The following RPRD2 variants were observed in gnomAD, a reference collection of about 807,000 sequenced individuals.
The protein encoded by RPRD2 is regulation of nuclear pre-mRNA domain-containing protein 2.
RPRD2 carries 12 observed loss-of-function variants against 104.4 expected under a neutral mutation model. That is an observed-to-expected ratio of 0.11 (90% CI 0.07 to 0.19). RPRD2 has a LOEUF of 0.19. RPRD2 is among the 10% of genes least tolerant of loss of function. The pLI is 1.00. For missense variants in RPRD2, 1,543 were observed against 1,790.1 expected, an observed-to-expected ratio of 0.86 and a Z score of 2.49; for synonymous variants, 714 against 684.9, an observed-to-expected ratio of 1.04 and a Z score of -0.66.
intron 1 of RPRD2, among the ~76,000 whole-genome samples, chr1:150,375,035 C>G (rs1462373579): frequency 6.7e-6 from 1 of 148,922 alleles, no homozygotes; most frequent in Non-Finnish European, 1.5e-5. Flanking sequence ...TTCCATTGCT[C>G]TAGGTTCATA....
rs1463918022 is a variant in RPRD2 at position 150,472,406 on chromosome 1, G to A, written c.3458G>A (p.Gly1153Asp). Residue 1153 changes from glycine (G) to aspartate (D), a missense_variant, in exon 11 of 11, where the codon GGT becomes GAT. Transcript: ENST00000369068. ...SSASELASLG[G>D]GGSGGLTGFK... is the part of the protein sequence containing the mutation. ...GCCTCTGAGTTGGCATCCCTTGGGG[G>A]TGGGGGCAGCGGAGGCCTCACTGGC... is the stretch of plus-strand genomic sequence containing the variant. 3.7e-6 allele frequency: 6 copies of A among 1,613,842 alleles called. No individual in the cohort carries two copies. The highest frequency in any genetic ancestry group is 5.1e-6 in the Non-Finnish European group (6 of 1,179,880).
chr1:150,436,638 C>T (rs1296817905), intron 2 of RPRD2, among the ~76,000 whole-genome samples: 6 of 150,940 alleles, frequency 4.0e-5, no homozygotes, highest in African/African-American at 7.3e-5. Flanking sequence ...CATGGTGGCT[C>T]ACACCTGTAA....
At chr1:150,400,623 C>T (rs587772722) in intron 1 of RPRD2, among the ~76,000 whole-genome samples, 1 of 152,290 alleles carries the variant, frequency 6.6e-6, no homozygotes, top group East Asian at 1.9e-4. Flanking sequence ...CCACTCACCT[C>T]CTACTGTGTG....
chr1:150,367,532 A>G (rs1347789754), intron 1 of RPRD2, among the ~76,000 whole-genome samples: 1 of 151,996 alleles, frequency 6.6e-6, no homozygotes, highest in Non-Finnish European at 1.5e-5. Context: ...TTCTTCTGAC[A>G]TCCGTTATTT....
At chr1:150,390,212 G>A (rs1254765927) in intron 1 of RPRD2, among the ~76,000 whole-genome samples, 1 of 152,118 alleles carries the variant, frequency 6.6e-6, no homozygotes, top group Admixed American at 6.5e-5. Flanking sequence ...TAAAACAACT[G>A]ACCAGGCACA....
intron 1 of RPRD2, among the ~76,000 whole-genome samples, chr1:150,406,926 G>A (rs1663532318): frequency 6.6e-6 from 1 of 152,050 alleles, no homozygotes; most frequent in African/African-American, 2.4e-5. Context: ...TGTTGATCAG[G>A]CTGGTCTCGA....
At chr1:150,387,884 C>G (rs1426070825) in intron 1 of RPRD2, among the ~76,000 whole-genome samples, 1 of 147,628 alleles carries the variant, frequency 6.8e-6, no homozygotes, top group Non-Finnish European at 1.5e-5. Context: ...GCCACTGCTC[C>G]TGGCCATTTT....
chr1:150,392,052 T>TAG (rs1553883259), intron 1 of RPRD2, among the ~76,000 whole-genome samples: 1 of 151,290 alleles, frequency 6.6e-6, no homozygotes, highest in African/African-American at 2.4e-5. Flanking sequence ...TGAAAAAAAT[T>TAG]AGCCAGGCAT....
intron 1 of RPRD2, among the ~76,000 whole-genome samples, chr1:150,403,376 T>C (rs1022876669): frequency 3.3e-5 from 5 of 152,096 alleles, no homozygotes; most frequent in Non-Finnish European, 7.4e-5. Flanking sequence ...CCTCAGAACT[T>C]CGTCTCACTT....
At chr1:150,390,959 G>A (rs1345571713) in intron 1 of RPRD2, among the ~76,000 whole-genome samples, 1 of 152,136 alleles carries the variant, frequency 6.6e-6, no homozygotes, top group Non-Finnish European at 1.5e-5. Context: ...ATACTTTATA[G>A]ATAACTGAAG....
At chr1:150,461,707 G>A (rs890851650) in intron 9 of RPRD2, among the ~76,000 whole-genome samples, 5 of 152,070 alleles carry the variant, frequency 3.3e-5, no homozygotes, top group Non-Finnish European at 7.4e-5. Flanking sequence ...ATGGCCGAGC[G>A]TGGTGGCTCA....
chr1:150,402,083 C>T (rs192622887), intron 1 of RPRD2, among the ~76,000 whole-genome samples: 4 of 151,660 alleles, frequency 2.6e-5, no homozygotes, highest in East Asian at 2.0e-4. Flanking sequence ...CTCAGCCTCC[C>T]GAGTGGCTGG....
Position 150,473,905 on chromosome 1 carries a change from GTTTA to G in RPRD2, c.*575_*578del, listed in dbSNP as rs747950563. 5.9e-5 allele frequency: 9 copies of G among 152,056 alleles called. No individual in the cohort carries two copies. Among genetic ancestry groups the G allele is most frequent in the African/African-American group, 2.2e-4 (9 of 41,392 alleles). 9.4% of individuals were successfully genotyped at this position (152,056 alleles called of 1,614,324 possible). ...ATGTGAGAGACCTTGAACCTGTCAG[GTTTA>G]TTTGTTTTGTTTTTAAAGGCATGTT... On this transcript the variant is annotated 3_prime_UTR_variant, in exon 11 of 11. Transcript: ENST00000369068.
At chr1:150,370,642 T>C (rs1660233653) in intron 1 of RPRD2, among the ~76,000 whole-genome samples, 1 of 150,568 alleles carries the variant, frequency 6.6e-6, no homozygotes, top group South Asian at 2.1e-4. Flanking sequence ...TGGCATGATC[T>C]TGACTCACTG....
At chr1:150,367,880 G>C (rs1490694473) in intron 1 of RPRD2, among the ~76,000 whole-genome samples, 2 of 151,926 alleles carry the variant, frequency 1.3e-5, no homozygotes, top group Middle Eastern at 3.2e-3. Flanking sequence ...GCACCACCAC[G>C]TCCAGCTAAT....
intron 1 of RPRD2, among the ~76,000 whole-genome samples, chr1:150,416,547 A>G (rs1553888585): frequency 6.6e-6 from 1 of 152,000 alleles, no homozygotes; most frequent in Non-Finnish European, 1.5e-5. Context: ...CAGATAGTAC[A>G]TTGATGGGGC....
At position 150,472,195 on chromosome 1, in the gene RPRD2, G is replaced by T. The variant is rs757842151; in HGVS notation, c.3247G>T (p.Ala1083Ser). ...GCCTGATAGCACAGAAGAAAAGGGG[G>T]CCCCTATAGAAACCTTGGGTTATCA... Reference protein sequence around the residue: ...DLPDSTEEKGAPIETLGYHSA... With the variant: ...DLPDSTEEKGSPIETLGYHSA... The change falls in exon 11 of 11, where the codon GCC becomes TCC. Residue 1083 changes from alanine (A) to serine (S), a missense_variant. Ala to Ser is a moderately conservative substitution (Grantham distance 99). Coordinates refer to ENST00000369068, the MANE Select transcript of RPRD2 (RefSeq NM_015203.5). 9.9e-6 allele frequency: 16 copies of T among 1,613,798 alleles called. No homozygotes were observed. Among genetic ancestry groups the T allele is most frequent in the African/African-American group, 8.0e-5 (6 of 74,904 alleles).
At position 150,395,761 on chromosome 1, in the gene RPRD2, C is replaced by T. The variant is rs1046485083; in HGVS notation, c.206-21835C>T. Among the ~76,000 whole-genome samples the T allele has an allele frequency of 5.3e-5, 8 of 152,106 alleles. No homozygotes were observed. In the South Asian group the frequency reaches 1.0e-3, roughly 20 times the overall value. ...CCTGACCTCGTGATCTGCCTGCCTC[C>T]GCCTCCCAAAGTGCTGGGATTACAG... On this transcript the variant is annotated intron_variant, in intron 1 of 10. Transcript: ENST00000369068.
chr1:150,378,338 C>A (rs1371984558), intron 1 of RPRD2, among the ~76,000 whole-genome samples: 1 of 152,098 alleles, frequency 6.6e-6, no homozygotes. Flanking sequence ...CTTGAGGGCT[C>A]AGTGAGGTTA....
Sources: allele counts gnomAD v4.1 joint callset (sites outside exome capture counted in the v4.1 genomes callset), GRCh38; gene constraint gnomAD v4.1.1; transcripts MANE v1.5; gene names NCBI Gene and HGNC (gene_info 2026-07-23, HGNC 2026-07-21).